Variants in PHKG2 observed in about 807,000 individuals in gnomAD.
PHKG2 encodes phosphorylase b kinase gamma catalytic chain, liver/testis isoform.
Under a neutral mutation model 44.5 loss-of-function variants are expected in PHKG2, and 28 were observed. That is an observed-to-expected ratio of 0.63 (90% CI 0.47 to 0.86). The LOEUF (loss-of-function observed/expected upper bound fraction) is 0.86. Ranked by LOEUF, PHKG2 falls within the 40% of genes least tolerant of loss-of-function variation. The pLI, the probability that PHKG2 is intolerant of heterozygous loss-of-function variation, is 0.00. For synonymous variants in PHKG2, 220 were observed against 211.2 expected, an observed-to-expected ratio of 1.04 and a Z score of -0.36; for missense variants, 498 against 547.5, an observed-to-expected ratio of 0.91 and a Z score of 0.90.
chr16:30,751,779 A>G (rs1245325736), intron 4 of PHKG2, 176 bp downstream of exon 4: 2 of 739,542 alleles, frequency 2.7e-6, no homozygotes, highest in East Asian at 5.0e-5. Flanking sequence ...CCTTGGTGCC[A>G]TGATTGAGGC....
At chr16:30,756,768 C>T (rs1379408170) in intron 9 of PHKG2, 36 bp from the exon 10 acceptor site, 1 of 1,614,114 alleles carries the variant, frequency 6.2e-7, no homozygotes, top group Non-Finnish European at 8.5e-7. Context: ...CATGATCTTT[C>T]CCCTGCACTA....
At chr16:30,755,026 G>A in intron 6 of PHKG2, 1 of 417,228 alleles carries the variant, frequency 2.4e-6, no homozygotes, top group South Asian at 1.7e-5. Flanking sequence ...GTGTGCCATG[G>A]AACAAGGTTC....
rs1219711960 is a variant in PHKG2, at chr16:30,760,404, C to A, written c.*3307C>A. On this transcript the variant is annotated 3_prime_UTR_variant, in exon 10 of 10. Coordinates refer to ENST00000563588, the MANE Select transcript of PHKG2 (RefSeq NM_000294.3). ...CAGAAGAGGTCCAGGGTGATGGCGT[C>A]CCTCAGGCTCTGCTCAGGACACCCT... 2 of 1,614,064 alleles carry A rather than the reference C, an allele frequency of 1.2e-6. No homozygotes were observed. The highest frequency in any genetic ancestry group is 2.2e-5 in the East Asian group (1 of 44,896).
At position 30,759,959 on chromosome 16, in the gene PHKG2, G is replaced by T; in HGVS notation, c.*2862G>T. On this transcript the variant is annotated 3_prime_UTR_variant, in exon 10 of 10. Coordinates refer to ENST00000563588, the MANE Select transcript of PHKG2 (RefSeq NM_000294.3). ...TGCCCTTACGAAGCTTATATTCTAG[G>T]GGAATAAACCAAGAAATAGATCATT... 1 of 1,447,662 alleles carries T rather than the reference G, an allele frequency of 6.9e-7. No homozygotes were observed. The highest frequency in any genetic ancestry group is 1.4e-5 in the African/African-American group (1 of 70,076). 89.7% of individuals were successfully genotyped at this position (1,447,662 alleles called of 1,614,324 possible).
In PHKG2 at chr16:30,760,802, G is replaced by T; in HGVS notation, c.*3705G>T. 1 of 774,086 alleles carries T rather than the reference G, an allele frequency of 1.3e-6. No homozygotes were observed. The highest frequency in any genetic ancestry group is 2.2e-6 in the Non-Finnish European group (1 of 453,860). The allele number at this position is 774,086 out of a possible 1,614,324, so 48.0% of individuals were successfully genotyped here. A position where few individuals can be genotyped will look rare whatever the true frequency, so the allele number is the denominator to read the frequency against. On this transcript the variant is annotated 3_prime_UTR_variant, in exon 10 of 10. Coordinates refer to ENST00000563588, the MANE Select transcript of PHKG2 (RefSeq NM_000294.3). ...TTTTGCCAGCTTGCTGTGTGACTAT[G>T]CAAATCGTTAACTCTCTGGGCCTAA...
At position 30,751,576 on chromosome 16, in the gene PHKG2, C is replaced by G. The variant is rs564053771; in HGVS notation, c.299C>G (p.Ser100Cys). 6.2e-7 allele frequency: 1 copy of G among 1,613,966 alleles called. No homozygotes were observed. Among genetic ancestry groups the G allele is most frequent in the East Asian group, 2.2e-5 (1 of 44,882 alleles). ...ACCCTCATCGATTCCTACGAGTCTT[C>G]TAGCTTCATGTTCCTGGTGTTTGAC... ...IITLIDSYES[S>C]SFMFLVFDLM... Residue 100 changes from serine to cysteine, a missense_variant, in exon 4 of 10, where the codon TCT becomes TGT. Transcript: ENST00000563588.
rs762089284 is a variant in PHKG2 at position 30,756,946 on chromosome 16, T to C, written c.1070T>C (p.Leu357Pro). The C allele has an allele frequency of 6.2e-7, 1 of 1,613,738 alleles. No homozygotes were observed. Among genetic ancestry groups the C allele is most frequent in the Admixed American group, 1.7e-5 (1 of 60,018 alleles). The change falls in exon 10 of 10, where the codon CTC becomes CCC. Residue 357 changes from leucine (L) to proline (P), a missense_variant. Leu to Pro is a moderately conservative substitution (Grantham distance 98). Transcript: ENST00000563588. ...CTCATCGACAACTGTGCCTTCCGGCTCTACGGGCACTGGGTAAAGAAAGGG... is the reference window on the plus strand; with the variant it reads ...CTCATCGACAACTGTGCCTTCCGGCCCTACGGGCACTGGGTAAAGAAAGGG... ...RHLIDNCAFR[L>P]YGHWVKKGEQ... is the part of the protein sequence containing the mutation.
chr16:30,759,508 G>A lies in PHKG2; in HGVS notation c.*2411G>A. 1.9e-6 allele frequency: 3 copies of A among 1,614,200 alleles called. No homozygotes were observed. The highest frequency in any genetic ancestry group is 8.5e-7 in the Non-Finnish European group (1 of 1,180,038). On this transcript the variant is annotated 3_prime_UTR_variant, in exon 10 of 10. Coordinates refer to ENST00000563588, the MANE Select transcript of PHKG2 (RefSeq NM_000294.3). ...ACCCTGACTACCTTCCGGAGCCCTGGCTTTGCCTCCAAAAGCCCAGCAACA... is the reference window on the plus strand; with the variant it reads ...ACCCTGACTACCTTCCGGAGCCCTGACTTTGCCTCCAAAAGCCCAGCAACA...
Position 30,757,707 on chromosome 16 carries a change from G to A in PHKG2, c.*610G>A, listed in dbSNP as rs1567266018. 6.4e-7 allele frequency: 1 copy of A among 1,552,548 alleles called. No homozygotes were observed. The highest frequency in any genetic ancestry group is 8.7e-7 in the Non-Finnish European group (1 of 1,148,258). ...GTGAGGAGAGATGCTGTCTGGCAAT[G>A]GGGGGATGGTCCCTAGTTGGGCAAA... On this transcript the variant is annotated 3_prime_UTR_variant, in exon 10 of 10. Coordinates refer to ENST00000563588, the MANE Select transcript of PHKG2 (RefSeq NM_000294.3).
intron 8 of PHKG2, 35 bp downstream of exon 8, chr16:30,756,555 C>T (rs1250330253): frequency 1.1e-5 from 18 of 1,612,942 alleles, no homozygotes; most frequent in Non-Finnish European, 1.5e-5. Context: ...AGGGGAGGCC[C>T]AAGAGCTGCC....
rs2053481759 is a variant in PHKG2 at position 30,757,813 on chromosome 16, G to A, written c.*716G>A. 2 of 1,417,494 alleles carry A rather than the reference G, an allele frequency of 1.4e-6. No individual in the cohort carries two copies. Among genetic ancestry groups the A allele is most frequent in the African/African-American group, 1.4e-5 (1 of 69,276 alleles). The allele number at this position is 1,417,494 out of a possible 1,614,324, so 87.8% of individuals were successfully genotyped here. A position where few individuals can be genotyped will look rare whatever the true frequency, so the allele number is the denominator to read the frequency against. Reference sequence around the variant, plus strand: ...AGGAAATGTTAGCAAGCCCTTGTGTGAGAGGTAGTTGGGTAGGGTGGCTAT... The same window carrying A: ...AGGAAATGTTAGCAAGCCCTTGTGTAAGAGGTAGTTGGGTAGGGTGGCTAT... On this transcript the variant is annotated 3_prime_UTR_variant, in exon 10 of 10. Coordinates refer to ENST00000563588, the MANE Select transcript of PHKG2 (RefSeq NM_000294.3).
At chr16:30,748,574 T>G in intron 1 of PHKG2, 84 bp downstream of exon 1, 2 of 514,702 alleles carry the variant, frequency 3.9e-6, no homozygotes, top group Non-Finnish European at 6.9e-6. Flanking sequence ...CTTGCGCCCC[T>G]TCCCCCTGCC....
Position 30,756,970 on chromosome 16 carries a change from G to C in PHKG2, c.1094G>C (p.Gly365Ala), listed in dbSNP as rs751308686. 2 of 1,612,952 alleles carry C rather than the reference G, an allele frequency of 1.2e-6. No individual in the cohort carries two copies. Among genetic ancestry groups the C allele is most frequent in the East Asian group, 4.5e-5 (2 of 44,876 alleles). The change falls in exon 10 of 10, where the codon GGG (glycine) becomes GCG (alanine). Residue 365 changes from glycine to alanine, a missense_variant. Coordinates refer to ENST00000563588, the MANE Select transcript of PHKG2 (RefSeq NM_000294.3). ...CTCTACGGGCACTGGGTAAAGAAAG[G>C]GGAGCAGCAGAACCGGGCGGCTCTC... ...FRLYGHWVKK[G>A]EQQNRAALFQ...
intron 2 of PHKG2, among the ~76,000 whole-genome samples, chr16:30,750,895 T>G (rs1168282717): frequency 2.0e-5 from 3 of 152,236 alleles, no homozygotes; most frequent in Admixed American, 6.5e-5. Flanking sequence ...AGGCCCTACC[T>G]GCCTTCCCTG....
Position 30,753,306 on chromosome 16 carries a change from TGA to T in PHKG2, c.392+11_392+12del, listed in dbSNP as rs748159574. 3 of 1,613,840 alleles carry T rather than the reference TGA, an allele frequency of 1.9e-6. No individual in the cohort carries two copies. Among genetic ancestry groups the T allele is most frequent in the Non-Finnish European group, 2.5e-6 (3 of 1,179,916 alleles). Reference sequence around the variant, plus strand: ...TCTGAAAAGGAAACCAGGTAAGGGTTGAGCCTGAAGCCCCAGGGGTGAGCAGG... The same window carrying T: ...TCTGAAAAGGAAACCAGGTAAGGGTTGCCTGAAGCCCCAGGGGTGAGCAGG... On this transcript the variant is annotated intron_variant, in intron 5 of 9. Transcript: ENST00000563588.
rs755336129 is a variant in PHKG2 at position 30,759,654 on chromosome 16, C to G, written c.*2557C>G. The G allele has an allele frequency of 1.4e-5, 23 of 1,613,874 alleles. No individual in the cohort carries two copies. The highest frequency in any genetic ancestry group is 3.4e-6 in the Non-Finnish European group (4 of 1,180,046). ...TCCAGAATGTTCCAGGGGAACTGACCCTGACTCCATGGCAAAAAAGGACAC... is the reference window on the plus strand; with the variant it reads ...TCCAGAATGTTCCAGGGGAACTGACGCTGACTCCATGGCAAAAAAGGACAC... On this transcript the variant is annotated 3_prime_UTR_variant, in exon 10 of 10. Transcript: ENST00000563588.
At chr16:30,749,635 C>T (rs1469749420) in intron 2 of PHKG2, among the ~76,000 whole-genome samples, 7 of 152,172 alleles carry the variant, frequency 4.6e-5, no homozygotes, top group African/African-American at 9.7e-5. Context: ...TGAGCCACCG[C>T]GCCTGGTTGA....
In PHKG2 at chr16:30,760,083, G is replaced by A; in HGVS notation, c.*2986G>A. 6.5e-7 allele frequency: 1 copy of A among 1,536,730 alleles called. No homozygotes were observed. The highest frequency in any genetic ancestry group is 8.7e-7 in the Non-Finnish European group (1 of 1,147,052). ...TTTGCATATATTATTTCTCAGAACA[G>A]TCCTGTAAAATGTGTGCTGTATCCT... On this transcript the variant is annotated 3_prime_UTR_variant, in exon 10 of 10. Coordinates refer to ENST00000563588, the MANE Select transcript of PHKG2 (RefSeq NM_000294.3).
chr16:30,756,767 T>C, intron 9 of PHKG2, 37 bp from the exon 10 acceptor site: 1 of 1,614,106 alleles, frequency 6.2e-7, no homozygotes, highest in Non-Finnish European at 8.5e-7. Flanking sequence ...CCATGATCTT[T>C]CCCCTGCACT....
Sources: gnomAD v4.1 joint callset for allele counts (sites outside exome capture counted in the v4.1 genomes callset) on GRCh38, gnomAD v4.1.1 for gene constraint, MANE v1.5 for transcripts, NCBI Gene and HGNC (gene_info 2026-07-23, HGNC 2026-07-21) for gene names.